Variants in NRG3 observed in about 807,000 individuals in gnomAD.
The protein encoded by NRG3 is neuregulin 3, also known as pro-neuregulin-3, membrane-bound isoform.
NRG3 carries 31 observed loss-of-function variants against 66.9 expected under a neutral mutation model. The observed-to-expected ratio is 0.46, with a 90% CI of 0.35 to 0.63. The LOEUF is 0.63. NRG3 is among the 20% of genes least tolerant of loss of function. The pLI is 0.00. For missense variants in NRG3, 910 were observed against 878.9 expected (o/e 1.04, Z -0.45); for synonymous variants, 393 against 359.4 (o/e 1.09, Z -1.06).
intron 1 of NRG3, among the ~76,000 whole-genome samples, chr10:81,958,618 A>G: frequency 6.6e-6 from 1 of 152,238 alleles, no homozygotes; most frequent in East Asian, 1.9e-4. Context: ...AAACAGATAT[A>G]CAGGCTGGGC....
At chr10:82,046,740 C>T (rs200991071) in intron 1 of NRG3, among the ~76,000 whole-genome samples, 2 of 5,546 alleles carry the variant, frequency 3.6e-4, no homozygotes, top group African/African-American at 4.2e-4. Flanking sequence ...TGAGATATGT[C>T]CCATCAATAC....
intron 2 of NRG3, among the ~76,000 whole-genome samples, chr10:82,595,165 G>A (rs2047201983): frequency 6.6e-6 from 1 of 151,932 alleles, no homozygotes; most frequent in Non-Finnish European, 1.5e-5. Context: ...AGATGCTTTA[G>A]CTGAACAATA....
intron 1 of NRG3, among the ~76,000 whole-genome samples, chr10:82,129,079 A>G (rs2068645652): frequency 1.3e-5 from 2 of 151,782 alleles, no homozygotes; most frequent in Non-Finnish European, 1.5e-5. Flanking sequence ...TGCCCAGCTA[A>G]TTTTTCTATT....
intron 4 of NRG3, among the ~76,000 whole-genome samples, chr10:82,935,640 G>C (rs746687788): frequency 1.3e-5 from 2 of 150,794 alleles, no homozygotes; most frequent in African/African-American, 4.9e-5. Context: ...TTTTTTAAAC[G>C]GAGTCTCGCT....
chr10:82,242,112 A>G (rs909052218), intron 1 of NRG3, among the ~76,000 whole-genome samples: 1 of 152,166 alleles, frequency 6.6e-6, no homozygotes, highest in Admixed American at 6.5e-5. Flanking sequence ...TTTTAAAATA[A>G]TTTGTTATAA....
intron 1 of NRG3, among the ~76,000 whole-genome samples, chr10:82,083,244 T>A (rs1471677765): frequency 1.3e-5 from 2 of 152,082 alleles, no homozygotes; most frequent in Non-Finnish European, 2.9e-5. Context: ...ATTGATACAA[T>A]GTTTTGAGTG....
chr10:81,916,392 G>A (rs1177188610), intron 1 of NRG3, among the ~76,000 whole-genome samples: 3 of 152,282 alleles, frequency 2.0e-5, no homozygotes, highest in Non-Finnish European at 2.9e-5. Context: ...TATAAGTAAA[G>A]TTTCTGGATA....
At chr10:82,083,452 A>G (rs2065514774) in intron 1 of NRG3, among the ~76,000 whole-genome samples, 1 of 152,134 alleles carries the variant, frequency 6.6e-6, no homozygotes, top group Non-Finnish European at 1.5e-5. Flanking sequence ...ACCTGGGGAT[A>G]CAGATTAGCC....
intron 2 of NRG3, among the ~76,000 whole-genome samples, chr10:82,575,457 T>C (rs186670864): frequency 1.3e-5 from 2 of 151,870 alleles, no homozygotes; most frequent in Admixed American, 1.3e-4. Flanking sequence ...GCAAACAATG[T>C]GTGAAGAGTG....
In NRG3 at chr10:82,985,409, A is replaced by G. The variant is rs1161866599; in HGVS notation, c.1895A>G (p.Glu632Gly). Residue 632 changes from glutamate (E) to glycine (G), a missense_variant, in exon 9 of 9, where the codon GAA becomes GGA. By Grantham distance (98) the Glu-to-Gly change is moderately conservative (BLOSUM62 -2). Coordinates refer to ENST00000372141, the MANE Select transcript of NRG3 (RefSeq NM_001010848.4). ...AEQQEVKILL[E>G]TVQEQIRILT... ...CAACAAGAAGTGAAAATATTGCTAG[A>G]AACTGTCCAGGAGCAGATCCGAATT... The G allele has an allele frequency of 2.1e-5, 34 of 1,614,182 alleles. No individual in the cohort carries two copies. The highest frequency in any genetic ancestry group is 2.8e-5 in the Non-Finnish European group (33 of 1,180,010).
chr10:82,877,778 A>G (rs1013556309), intron 4 of NRG3, among the ~76,000 whole-genome samples: 1 of 152,156 alleles, frequency 6.6e-6, no homozygotes, highest in African/African-American at 2.4e-5. Context: ...AGGTCAGATG[A>G]AGATGTCCCA....
chr10:82,075,316 G>C (rs1329774756), intron 1 of NRG3, among the ~76,000 whole-genome samples: 1 of 152,090 alleles, frequency 6.6e-6, no homozygotes, highest in Non-Finnish European at 1.5e-5. Context: ...GTCTTTGATA[G>C]TACCAAGTTG....
chr10:82,090,914 A>C (rs1348451787), intron 1 of NRG3, among the ~76,000 whole-genome samples: 1 of 152,146 alleles, frequency 6.6e-6, no homozygotes, highest in African/African-American at 2.4e-5. Flanking sequence ...GTAGTGCTTC[A>C]TGTTTGGTTG....
At chr10:82,873,623 G>A (rs966471961) in intron 4 of NRG3, among the ~76,000 whole-genome samples, 59 of 152,238 alleles carry the variant, frequency 3.9e-4, no homozygotes, top group Non-Finnish European at 4.7e-4. Flanking sequence ...GTCCTTTTGA[G>A]CTATTTGTTA....
chr10:82,358,070 C>T (rs1333607952), intron 1 of NRG3, among the ~76,000 whole-genome samples: 2 of 152,092 alleles, frequency 1.3e-5, no homozygotes, highest in African/African-American at 2.4e-5. Context: ...TGATGTATAA[C>T]TTAATTTGAA....
chr10:82,160,131 A>C (rs1316781772), intron 1 of NRG3, among the ~76,000 whole-genome samples: 1 of 151,992 alleles, frequency 6.6e-6, no homozygotes, highest in Non-Finnish European at 1.5e-5. Flanking sequence ...GAATTTAATT[A>C]GCCCTTTTCA....
At chr10:82,619,908 T>G (rs2048924892) in intron 2 of NRG3, among the ~76,000 whole-genome samples, 1 of 152,214 alleles carries the variant, frequency 6.6e-6, no homozygotes, top group African/African-American at 2.4e-5. Flanking sequence ...TTGTGCTGCT[T>G]AAGCCAACCA....
At chr10:82,158,550 A>G (rs145257981) in intron 1 of NRG3, among the ~76,000 whole-genome samples, 1 of 151,836 alleles carries the variant, frequency 6.6e-6, no homozygotes, top group Non-Finnish European at 1.5e-5. Context: ...GTGTCTGCGC[A>G]GGTAAATTGG....
intron 1 of NRG3, among the ~76,000 whole-genome samples, chr10:81,879,732 C>T (rs553356130): frequency 2.0e-4 from 30 of 152,120 alleles, no homozygotes; most frequent in South Asian, 4.1e-4. Context: ...AAAACTTTAC[C>T]TAGTCATACC....
Sources: gnomAD v4.1 joint callset for allele counts (sites outside exome capture counted in the v4.1 genomes callset) on GRCh38, gnomAD v4.1.1 for gene constraint, MANE v1.5 for transcripts, NCBI Gene and HGNC (gene_info 2026-07-23, HGNC 2026-07-21) for gene names.